The following BTBD10 variants were observed in gnomAD, a reference collection of about 807,000 sequenced individuals.
BTBD10 encodes the protein BTB/POZ domain-containing protein 10.
Under a neutral mutation model 53.2 loss-of-function variants are expected in BTBD10, and 21 were observed. That is an observed-to-expected ratio of 0.39 (90% CI 0.28 to 0.57). The LOEUF (loss-of-function observed/expected upper bound fraction) is 0.57. Among genes scored for constraint, BTBD10 ranks in the 20% least tolerant of loss-of-function variants. The probability of loss-of-function intolerance (pLI) is 0.53; values close to 1 mark genes in which losing one functional copy is unlikely to be tolerated. For synonymous variants in BTBD10, 149 were observed against 192.7 expected, an observed-to-expected ratio of 0.77 and a Z score of 1.88; for missense variants, 360 against 594.7, an observed-to-expected ratio of 0.61 and a Z score of 4.10.
At position 13,411,756 on chromosome 11, in the gene BTBD10, G is replaced by T. The variant is rs145931287; in HGVS notation, c.808+1774C>A. Among the ~76,000 whole-genome samples, 486 of 151,446 alleles carry T rather than the reference G, an allele frequency of 3.2e-3. 4 individuals are homozygous for T. Among genetic ancestry groups the T allele is most frequent in the African/African-American group, 0.011 (444 of 41,256 alleles). On this transcript the variant is annotated intron_variant, in intron 6 of 8. Coordinates refer to ENST00000278174, the MANE Select transcript of BTBD10 (RefSeq NM_032320.7). ...CAAAATTCAACATTAATTATATAAA[G>T]ATTAATTTAAATGGTCGTATGAATA...
chr11:13,421,282 T>C (rs1033688570), intron 3 of BTBD10, among the ~76,000 whole-genome samples: 12 of 152,358 alleles, frequency 7.9e-5, no homozygotes, highest in African/African-American at 2.9e-4. Flanking sequence ...TTTCAGGTCC[T>C]TTGTTAGCAT....
chr11:13,388,352 T>G lies in BTBD10; in HGVS notation c.*479A>C, dbSNP rs893581146. 5 of 155,394 alleles carry G rather than the reference T, an allele frequency of 3.2e-5. No homozygotes were observed. The highest frequency in any genetic ancestry group is 1.2e-4 in the African/African-American group (5 of 41,456). The allele number at this position is 155,394 out of a possible 1,614,324, so 9.6% of individuals were successfully genotyped here. A position where few individuals can be genotyped will look rare whatever the true frequency, so the allele number is the denominator to read the frequency against. ...ATCAAGGGCAGCAAACTATACAAAT[T>G]GTACTGGAGGAATACTTTGACAGAA... On this transcript the variant is annotated 3_prime_UTR_variant, in exon 9 of 9. Coordinates refer to ENST00000278174, the MANE Select transcript of BTBD10 (RefSeq NM_032320.7).
chr11:13,416,018 CA>C (rs966508143), intron 5 of BTBD10, among the ~76,000 whole-genome samples: 33 of 136,588 alleles, frequency 2.4e-4, no homozygotes, highest in African/African-American at 5.1e-4. Flanking sequence ...AAATATTTTT[CA>C]AAAAAAAAAA....
In BTBD10 at chr11:13,421,694, C is replaced by G. The variant is rs1286781425; in HGVS notation, c.246G>C (p.Gln82His). The stretch of plus-strand genomic sequence containing the variant: ...TCACATTTCTAATACAAGGAGTGAG[C>G]TGAGACTCCGTTCTTTCATGAGATG... Reference protein sequence around the residue: ...RDSSHERTESQLTPCIRNVTS... With the variant: ...RDSSHERTESHLTPCIRNVTS... The change falls in exon 3 of 9, where the codon CAG (glutamine) becomes CAC (histidine). Residue 82 changes from glutamine (Q) to histidine (H), a missense_variant. Coordinates refer to ENST00000278174, the MANE Select transcript of BTBD10 (RefSeq NM_032320.7). 3 of 1,613,902 alleles carry G rather than the reference C, an allele frequency of 1.9e-6. No homozygotes were observed. The highest frequency in any genetic ancestry group is 2.5e-6 in the Non-Finnish European group (3 of 1,180,000).
At chr11:13,396,154 A>G (rs1179807295) in intron 8 of BTBD10, among the ~76,000 whole-genome samples, 1 of 152,152 alleles carries the variant, frequency 6.6e-6, no homozygotes, top group Non-Finnish European at 1.5e-5. Context: ...CACGATATTG[A>G]TTCTTCCTAC....
At position 13,413,622 on chromosome 11, in the gene BTBD10, C is replaced by A; in HGVS notation, c.716G>T (p.Cys239Phe). The change falls in exon 6 of 9, where the codon TGT becomes TTT. Residue 239 changes from cysteine (C) to phenylalanine (F), a missense_variant. Transcript: ENST00000278174. ...LDYYKTGIIR[C>F]PDGISIPELR... The stretch of plus-strand genomic sequence containing the variant: ...TTCAGGAATAGATATGCCATCAGGA[C>A]AACGGATTATTCCTGTTTTATAGTA... The A allele has an allele frequency of 1.9e-6, 3 of 1,611,084 alleles. No individual in the cohort carries two copies. Among genetic ancestry groups the A allele is most frequent in the Non-Finnish European group, 2.5e-6 (3 of 1,178,398 alleles).
At chr11:13,445,493 C>CA (rs1215820398) in intron 1 of BTBD10, among the ~76,000 whole-genome samples, 2 of 151,766 alleles carry the variant, frequency 1.3e-5, no homozygotes, top group Non-Finnish European at 2.9e-5. Context: ...ATTATGGTAC[C>CA]AAAAAGGCAA....
intron 1 of BTBD10, among the ~76,000 whole-genome samples, chr11:13,449,303 T>C (rs892814603): frequency 6.6e-6 from 1 of 152,208 alleles, no homozygotes; most frequent in Non-Finnish European, 1.5e-5. Flanking sequence ...ATCGAAGTTC[T>C]AGGAAGTTTA....
chr11:13,416,679 T>C (rs931899051), intron 5 of BTBD10, among the ~76,000 whole-genome samples: 5 of 152,094 alleles, frequency 3.3e-5, no homozygotes, highest in African/African-American at 1.2e-4. Flanking sequence ...TTGTATGTAC[T>C]AAAATAAAGA....
At chr11:13,400,977 A>G (rs1193799308) in intron 8 of BTBD10, among the ~76,000 whole-genome samples, 2 of 152,202 alleles carry the variant, frequency 1.3e-5, no homozygotes, top group Non-Finnish European at 2.9e-5. Context: ...TGGTTTAGAG[A>G]AAACAGCTAA....
chr11:13,414,513 G>C (rs970859493), intron 5 of BTBD10, among the ~76,000 whole-genome samples: 3 of 152,068 alleles, frequency 2.0e-5, no homozygotes, highest in African/African-American at 7.2e-5. Flanking sequence ...AATTAGCCGG[G>C]TGTGGTGGCA....
intron 2 of BTBD10, among the ~76,000 whole-genome samples, chr11:13,423,165 A>G (rs1031848754): frequency 2.0e-5 from 3 of 152,182 alleles, no homozygotes; most frequent in African/African-American, 7.2e-5. Flanking sequence ...AACTGATGAT[A>G]ATAAAAATAA....
chr11:13,418,583 A>G (rs1013390767), intron 4 of BTBD10, among the ~76,000 whole-genome samples: 1 of 152,152 alleles, frequency 6.6e-6, no homozygotes, highest in Non-Finnish European at 1.5e-5. Flanking sequence ...TTCATGATAT[A>G]AAGCATAGTG....
intron 2 of BTBD10, among the ~76,000 whole-genome samples, chr11:13,439,175 A>T (rs746479690): frequency 3.9e-4 from 59 of 152,082 alleles, no homozygotes; most frequent in Non-Finnish European, 5.2e-4. Context: ...ATAAAGAGAG[A>T]AGGAAAAAAA....
intron 2 of BTBD10, chr11:13,440,375 G>C: frequency 2.2e-6 from 2 of 895,886 alleles, no homozygotes; most frequent in South Asian, 4.1e-5. Flanking sequence ...AGGGCTTAGA[G>C]ATATGTAGAT....
chr11:13,448,021 A>C (rs938770348), intron 1 of BTBD10, among the ~76,000 whole-genome samples: 2 of 152,172 alleles, frequency 1.3e-5, no homozygotes, highest in South Asian at 4.1e-4. Flanking sequence ...CTATTTTGTA[A>C]TATCTGATAA....
At chr11:13,405,962 C>G (rs896560355) in intron 6 of BTBD10, 106 bp from the exon 7 acceptor site, 1 of 1,011,358 alleles carries the variant, frequency 9.9e-7, no homozygotes, top group Non-Finnish European at 1.4e-6. Context: ...CTACATAGGC[C>G]CCCTCATTTT....
chr11:13,400,145 G>A (rs193285551), intron 8 of BTBD10, among the ~76,000 whole-genome samples: 2,104 of 152,320 alleles, frequency 0.014, 50 homozygotes, highest in African/African-American at 0.048. Context: ...GCCCCCAAAG[G>A]GGGAGCCTAC....
chr11:13,462,883 T>A (rs1380154056), intron 1 of BTBD10: 1 of 152,240 alleles, frequency 6.6e-6, no homozygotes, highest in Non-Finnish European at 1.5e-5. Flanking sequence ...AAAACTCAAG[T>A]CTTATCCCGG....
Sources: allele counts gnomAD v4.1 joint callset (sites outside exome capture counted in the v4.1 genomes callset), GRCh38; gene constraint gnomAD v4.1.1; transcripts MANE v1.5; gene names NCBI Gene and HGNC (gene_info 2026-07-23, HGNC 2026-07-21).